The following EIF5B variants were observed in gnomAD, a reference collection of about 807,000 sequenced individuals.
EIF5B encodes eIF-5B.
In EIF5B, 47 loss-of-function variants were observed where a neutral mutation model predicts 147.5. That is an observed-to-expected ratio of 0.32 (90% confidence interval 0.25 to 0.41). EIF5B has a LOEUF of 0.41. Ranked by LOEUF, EIF5B falls within the 10% of genes least tolerant of loss-of-function variation. EIF5B has a pLI of 1.00. For synonymous variants in EIF5B, 455 were observed against 456.2 expected, an observed-to-expected ratio of 1.00 and a Z score of 0.03; for missense variants, 1,064 against 1,413.2, an observed-to-expected ratio of 0.75 and a Z score of 3.96.
intron 14 of EIF5B, among the ~76,000 whole-genome samples, chr2:99,387,022 TC>T (rs905797130): frequency 6.6e-6 from 1 of 152,090 alleles, no homozygotes; most frequent in African/African-American, 2.4e-5. Context: ...TGATTCTTGT[TC>T]CTCAGCCTCC....
intron 1 of EIF5B, among the ~76,000 whole-genome samples, chr2:99,359,913 C>T (rs1235451178): frequency 2.0e-5 from 3 of 152,086 alleles, no homozygotes; most frequent in Admixed American, 1.3e-4. Context: ...TTAAGATCTC[C>T]CATTTTATAA....
Position 99,338,993 on chromosome 2 carries a change from A to AATATATATATATATACAAATATAT in EIF5B, c.35+1415_35+1416insTATACAAATATATATATATATATA, listed in dbSNP as rs11272483. Among the ~76,000 whole-genome samples, 76 of 132,722 alleles carry AATATATATATATATACAAATATAT rather than the reference A, an allele frequency of 5.7e-4. 1 individual carries two copies. The East Asian group carries it at 0.01, about 18-fold the overall frequency. 87.1% of individuals were successfully genotyped at this position (132,722 alleles called of 152,430 possible). ...ATATATATATACAAATATATACACA[A>AATATATATATATATACAAATATAT]ATATATATATACATTTTTTTTTTTT... On this transcript the variant is annotated intron_variant, in intron 1 of 23. Transcript: ENST00000289371.
At chr2:99,358,257 G>A (rs1387543338) in intron 1 of EIF5B, among the ~76,000 whole-genome samples, 1 of 151,988 alleles carries the variant, frequency 6.6e-6, no homozygotes, top group Non-Finnish European at 1.5e-5. Flanking sequence ...TTTAGAGACG[G>A]GGTTTCATAG....
chr2:99,355,601 G>GT (rs1396714702), intron 1 of EIF5B, among the ~76,000 whole-genome samples: 5 of 118,450 alleles, frequency 4.2e-5, no homozygotes, highest in Admixed American at 1.0e-4. Flanking sequence ...TTGTTTTTTT[G>GT]TTTTTTGGGT....
At position 99,364,427 on chromosome 2, in the gene EIF5B, T is replaced by C; in HGVS notation, c.1288+6T>C. On this transcript the variant is annotated splice_donor_region_variant and intron_variant, in intron 6 of 23. Transcript: ENST00000289371. Reference sequence around the variant, plus strand: ...TAAACTGCTACAAGCTCAGGGTGAGTGGTACTCTTCATTAACTGAATGGTC... The same window carrying C: ...TAAACTGCTACAAGCTCAGGGTGAGCGGTACTCTTCATTAACTGAATGGTC... 6.3e-7 allele frequency: 1 copy of C among 1,582,292 alleles called. No individual in the cohort carries two copies. Among genetic ancestry groups the C allele is most frequent in the Non-Finnish European group, 8.5e-7 (1 of 1,169,862 alleles).
chr2:99,397,200 C>T (rs1675070226), intron 22 of EIF5B: 1 of 225,406 alleles, frequency 4.4e-6, no homozygotes, highest in Non-Finnish European at 8.6e-6. Context: ...GGCTCCAAGG[C>T]ACTTTACATT....
intron 1 of EIF5B, among the ~76,000 whole-genome samples, chr2:99,357,970 C>T (rs752297712): frequency 3.7e-4 from 57 of 152,260 alleles, no homozygotes; most frequent in Non-Finnish European, 7.1e-4. Flanking sequence ...GTCAGGTGCT[C>T]ATTGTTTCTC....
Position 99,361,782 on chromosome 2 carries a change from C to T in EIF5B, c.881C>T (p.Ala294Val). 6.4e-7 allele frequency: 1 copy of T among 1,565,336 alleles called. No homozygotes were observed. The highest frequency in any genetic ancestry group is 8.6e-7 in the Non-Finnish European group (1 of 1,166,274). Residue 294 changes from alanine (A) to valine (V), a missense_variant, in exon 4 of 24, where the codon GCC (alanine) becomes GTC (valine). Coordinates refer to ENST00000289371, the MANE Select transcript of EIF5B (RefSeq NM_015904.4). ...KVTVDTGVIP[A>V]SEEKAETPTA... ...ACTGTTGATACTGGAGTAATTCCTG[C>T]CTCTGAAGAGAAAGCAGAGACTCCC...
intron 4 of EIF5B, among the ~76,000 whole-genome samples, chr2:99,362,869 C>T (rs926268044): frequency 3.3e-5 from 5 of 151,676 alleles, no homozygotes; most frequent in African/African-American, 1.2e-4. Flanking sequence ...AGTGATTCTC[C>T]TGTCTCAGCC....
intron 10 of EIF5B, among the ~76,000 whole-genome samples, chr2:99,377,186 G>A (rs1674583895): frequency 6.6e-6 from 1 of 151,966 alleles, no homozygotes; most frequent in African/African-American, 2.4e-5. Flanking sequence ...TAGTTTGCTT[G>A]AGGATATTAA....
chr2:99,377,224 G>A (rs1355147421), intron 10 of EIF5B, among the ~76,000 whole-genome samples: 1 of 151,724 alleles, frequency 6.6e-6, no homozygotes, highest in Non-Finnish European at 1.5e-5. Flanking sequence ...AACTATTTTA[G>A]CTTTCCTTTT....
In EIF5B at chr2:99,360,315, A is replaced by G. The variant is rs1343929739; in HGVS notation, c.115A>G (p.Lys39Glu). Residue 39 changes from lysine to glutamate, a missense_variant, in exon 2 of 24, where the codon AAG becomes GAG. Lys to Glu is a moderately conservative substitution (Grantham distance 56, BLOSUM62 1). Coordinates refer to ENST00000289371, the MANE Select transcript of EIF5B (RefSeq NM_015904.4). ...TGCTGCCAAAGAACAGGAGCCTCAA[A>G]AGTCAAAAGGGAAAAAGAAAAAAGA... is the stretch of plus-strand genomic sequence containing the variant. ...AGAAKEQEPQ[K>E]SKGKKKKEKK... is the part of the protein sequence containing the mutation. 1.9e-6 allele frequency: 3 copies of G among 1,611,980 alleles called. No homozygotes were observed. The East Asian group carries it at 6.7e-5, about 36-fold the overall frequency.
intron 1 of EIF5B, among the ~76,000 whole-genome samples, chr2:99,359,129 G>A (rs1674151403): frequency 6.6e-6 from 1 of 151,944 alleles, no homozygotes; most frequent in Admixed American, 6.6e-5. Flanking sequence ...TTGGGAGGCC[G>A]AGGGTGGCTG....
At chr2:99,346,423 T>C (rs771217520) in intron 1 of EIF5B, among the ~76,000 whole-genome samples, 3 of 152,128 alleles carry the variant, frequency 2.0e-5, no homozygotes, top group Non-Finnish European at 2.9e-5. Flanking sequence ...AGTTTGTTAA[T>C]ATTAATGATT....
At chr2:99,363,514 G>T in intron 4 of EIF5B, 131 bp from the exon 5 acceptor site, 1 of 892,706 alleles carries the variant, frequency 1.1e-6, no homozygotes, top group Non-Finnish European at 1.8e-6. Flanking sequence ...CTTGATGCCT[G>T]TAGAACTTAG....
In EIF5B at chr2:99,399,242, G is replaced by A. The variant is rs1675143991; in HGVS notation, c.3556-65G>A. ...AGTACAGTGAGAGCGGGCATCTGGG[G>A]CCACAGCTTTCTTTGGCACGTTTGT... On this transcript the variant is annotated intron_variant, in intron 23 of 23. Transcript: ENST00000289371. 3 of 1,494,034 alleles carry A rather than the reference G, an allele frequency of 2.0e-6. No homozygotes were observed. The East Asian group carries it at 6.9e-5, about 34-fold the overall frequency. 92.5% of individuals were successfully genotyped at this position (1,494,034 alleles called of 1,614,324 possible). A position where few individuals can be genotyped will look rare whatever the true frequency, so the allele number is the denominator to read the frequency against.
chr2:99,368,377 C>T, intron 6 of EIF5B, 116 bp from the exon 7 acceptor site: 1 of 736,454 alleles, frequency 1.4e-6, no homozygotes, highest in Non-Finnish European at 2.3e-6. Flanking sequence ...CATGAATATC[C>T]TTTCATATTT....
Position 99,368,592 on chromosome 2 carries a change from G to T in EIF5B, c.1387+1G>T. ...CCACAGCAGCTAGAAAGTAAAGAAG[G>T]TTTGTATACAAAATAGCCTCTAATT... On this transcript the variant is annotated splice_donor_variant, in intron 7 of 23. Transcript: ENST00000289371. LOFTEE classifies it high-confidence loss of function. 1 of 1,604,210 alleles carries T rather than the reference G, an allele frequency of 6.2e-7. No individual in the cohort carries two copies. Among genetic ancestry groups the T allele is most frequent in the South Asian group, 1.1e-5 (1 of 90,712 alleles).
chr2:99,384,811 A>T (rs1215685559), intron 14 of EIF5B, among the ~76,000 whole-genome samples: 1 of 152,238 alleles, frequency 6.6e-6, no homozygotes, highest in African/African-American at 2.4e-5. Flanking sequence ...ATCTTAAGTA[A>T]AACTTGAACA....
Sources: gnomAD v4.1 joint callset for allele counts (sites outside exome capture counted in the v4.1 genomes callset) on GRCh38, gnomAD v4.1.1 for gene constraint, MANE v1.5 for transcripts, NCBI Gene and HGNC (gene_info 2026-07-23, HGNC 2026-07-21) for gene names.